MAP3K19: variants seen among roughly 807,000 people sequenced by gnomAD.
MAP3K19 encodes the protein mitogen-activated protein kinase kinase kinase 19.
MAP3K19 carries 91 observed loss-of-function variants against 114.4 expected under a neutral mutation model. The observed-to-expected ratio is 0.80, with a 90% CI of 0.67 to 0.95. The LOEUF is 0.95. MAP3K19 is among the 40% of genes least tolerant of loss of function. The probability of loss-of-function intolerance (pLI) is 0.00; values close to 1 mark genes in which losing one functional copy is unlikely to be tolerated. For missense variants in MAP3K19, 1,471 were observed against 1,573.2 expected (o/e 0.94, Z 1.10); for synonymous variants, 518 against 530.5 (o/e 0.98, Z 0.32).
At chr2:134,982,148 C>T (rs1684722790) in intron 11 of MAP3K19, among the ~76,000 whole-genome samples, 1 of 123,048 alleles carries the variant, frequency 8.1e-6, no homozygotes, top group East Asian at 2.3e-4. Context: ...GACAGAGTCT[C>T]TCTCTGTCAC....
At chr2:135,034,634 C>T (rs1353138384) in intron 2 of MAP3K19, among the ~76,000 whole-genome samples, 2 of 133,722 alleles carry the variant, frequency 1.5e-5, no homozygotes, top group South Asian at 5.5e-4. Flanking sequence ...AGCGAAACCC[C>T]GTCTCCACCA....
At chr2:134,993,361 G>T (rs1370998822) in intron 8 of MAP3K19, among the ~76,000 whole-genome samples, 1 of 152,214 alleles carries the variant, frequency 6.6e-6, no homozygotes, top group African/African-American at 2.4e-5. Context: ...GGCAACAGGA[G>T]GGGGCACAGG....
rs923492725 is a variant in MAP3K19, at chr2:134,988,219, C to T, written c.653G>A (p.Arg218Gln). The change falls in exon 10 of 13, where the codon CGA becomes CAA. Residue 218 changes from arginine to glutamine, a missense_variant. Coordinates refer to ENST00000392915, the MANE Select transcript of MAP3K19 (RefSeq NM_025052.5). ...TTGGGGGATAGTAAGGACACCAGAT[C>T]GCGTGGGCAAGAGTGACAGTGGTGG... The part of the protein sequence containing the change: ...LLPPLSLLPT[R>Q]SGVLTIPQNH... 1.3e-6 allele frequency: 2 copies of T among 1,594,572 alleles called. No homozygotes were observed. The highest frequency in any genetic ancestry group is 1.7e-6 in the Non-Finnish European group (2 of 1,172,274).
At chr2:134,984,168 T>A (rs757469514) in intron 10 of MAP3K19, among the ~76,000 whole-genome samples, 2 of 152,164 alleles carry the variant, frequency 1.3e-5, no homozygotes, top group Non-Finnish European at 2.9e-5. Context: ...CAGAATATGT[T>A]AGTGTGTGCC....
chr2:135,006,388 GC>G (rs1686812551), intron 5 of MAP3K19, among the ~76,000 whole-genome samples: 1 of 152,174 alleles, frequency 6.6e-6, no homozygotes, highest in South Asian at 2.1e-4. Flanking sequence ...AAGTGCTCAA[GC>G]CTGTCATCTG....
intron 2 of MAP3K19, among the ~76,000 whole-genome samples, chr2:135,038,122 C>T (rs1688571942): frequency 6.6e-6 from 1 of 151,914 alleles, no homozygotes; most frequent in South Asian, 2.1e-4. Flanking sequence ...TATGGGCTGG[C>T]AGAAGGCACT....
chr2:135,037,393 C>T (rs1688555807), intron 2 of MAP3K19, among the ~76,000 whole-genome samples: 1 of 152,320 alleles, frequency 6.6e-6, no homozygotes, highest in South Asian at 2.1e-4. Context: ...GACTGGCCTC[C>T]TCCTGCTGCT....
chr2:135,005,492 C>A lies in MAP3K19; in HGVS notation c.178G>T (p.Val60Phe). ...QDGDCSHSTLVNEEEDPSGGR... is the reference protein window; with the variant it reads ...QDGDCSHSTLFNEEEDPSGGR... The stretch of plus-strand genomic sequence containing the variant: ...CCACTGGGATCTTCTTCTTCATTAA[C>A]CAGTGTGGAATGACTGCAGTCACCA... The change falls in exon 6 of 13, where the codon GTT becomes TTT. Residue 60 changes from valine to phenylalanine, a missense_variant. Physicochemically the swap from Val to Phe is conservative, Grantham distance 50. Coordinates refer to ENST00000392915, the MANE Select transcript of MAP3K19 (RefSeq NM_025052.5). 6.2e-7 allele frequency: 1 copy of A among 1,614,118 alleles called. No individual in the cohort carries two copies. Among genetic ancestry groups the A allele is most frequent in the Non-Finnish European group, 8.5e-7 (1 of 1,179,982 alleles).
chr2:134,994,718 C>T (rs1250654915), intron 8 of MAP3K19, among the ~76,000 whole-genome samples: 3 of 152,228 alleles, frequency 2.0e-5, no homozygotes, highest in African/African-American at 7.2e-5. Context: ...ATCCCTCTAT[C>T]AATCGTCCAG....
At chr2:135,028,515 G>A (rs919152212) in intron 3 of MAP3K19, among the ~76,000 whole-genome samples, 1 of 148,420 alleles carries the variant, frequency 6.7e-6, no homozygotes, top group Non-Finnish European at 1.5e-5. Flanking sequence ...CTGTGATCAC[G>A]CCACTGCACT....
intron 1 of MAP3K19, among the ~76,000 whole-genome samples, chr2:135,045,236 C>T (rs1382951369): frequency 1.3e-5 from 2 of 152,278 alleles, no homozygotes; most frequent in South Asian, 2.1e-4. Context: ...GAGAAGCAGA[C>T]GTTTAGTTGA....
At chr2:135,000,075 G>A (rs577095347) in intron 6 of MAP3K19, 60 bp from the exon 7 acceptor site, 1 of 1,111,062 alleles carries the variant, frequency 9.0e-7, no homozygotes, top group East Asian at 2.4e-5. Context: ...CGGAAAGCGG[G>A]AGACGTACTT....
In MAP3K19 at chr2:134,964,747, A is replaced by G; in HGVS notation, c.*103T>C. Reference sequence around the variant, plus strand: ...ATAGGATCTGCTTAAACTGGGTTAGACTGAATTTTCAGTGGGGAAACAAAG... The same window carrying G: ...ATAGGATCTGCTTAAACTGGGTTAGGCTGAATTTTCAGTGGGGAAACAAAG... On this transcript the variant is annotated 3_prime_UTR_variant, in exon 13 of 13. Coordinates refer to ENST00000392915, the MANE Select transcript of MAP3K19 (RefSeq NM_025052.5). The G allele has an allele frequency of 1.1e-6, 1 of 922,794 alleles. No homozygotes were observed. Among genetic ancestry groups the G allele is most frequent in the Non-Finnish European group, 1.7e-6 (1 of 588,660 alleles). 57.2% of individuals were successfully genotyped at this position (922,794 alleles called of 1,614,324 possible).
At chr2:135,042,337 C>T (rs952483069) in intron 1 of MAP3K19, among the ~76,000 whole-genome samples, 3 of 151,848 alleles carry the variant, frequency 2.0e-5, no homozygotes, top group African/African-American at 7.3e-5. Context: ...CCCGTCGCTA[C>T]TAAAAGTACA....
chr2:134,991,190 A>T (rs1426447318), intron 9 of MAP3K19, among the ~76,000 whole-genome samples: 4 of 151,934 alleles, frequency 2.6e-5, no homozygotes, highest in African/African-American at 9.7e-5. Context: ...AGTCCCAGCT[A>T]CTCGGGAGGC....
At chr2:135,031,543 G>T (rs1038827168) in intron 2 of MAP3K19, among the ~76,000 whole-genome samples, 6 of 152,212 alleles carry the variant, frequency 3.9e-5, no homozygotes, top group African/African-American at 1.4e-4. Context: ...AGGAGTTAGG[G>T]CTGTGTCTTC....
rs764196330 is a variant in MAP3K19, at chr2:134,983,820, A to G, written c.3078T>C (p.His1026=). The change falls in exon 11 of 13, where the codon CAT becomes CAC. Residue 1026 remains histidine (H), a synonymous_variant. Transcript: ENST00000392915. The part of the protein sequence containing the change: ...RETTKVKIQR[H]SSGLRIYDRE... ...TGTCATATATCCTGAGCCCACTACTATGCCTCTGGAAGAATGAGACAAAAG... is the reference window on the plus strand; with the variant it reads ...TGTCATATATCCTGAGCCCACTACTGTGCCTCTGGAAGAATGAGACAAAAG... 2 of 1,566,918 alleles carry G rather than the reference A, an allele frequency of 1.3e-6. No individual in the cohort carries two copies. Among genetic ancestry groups the G allele is most frequent in the South Asian group, 2.4e-5 (2 of 83,632 alleles).
In MAP3K19 at chr2:134,987,942, G is replaced by T; in HGVS notation, c.930C>A (p.Ser310=). The part of the protein sequence containing the change: ...QCLEKEENWK[S]KEIEECNKIE... Reference sequence around the variant, plus strand: ...TTTTGTTACATTCTTCTATTTCCTTGGATTTCCAGTTTTCCTCCTTCTCCA... The same window carrying T: ...TTTTGTTACATTCTTCTATTTCCTTTGATTTCCAGTTTTCCTCCTTCTCCA... Residue 310 remains serine (S), a synonymous_variant, in exon 10 of 13, where the codon TCC becomes TCA. Coordinates refer to ENST00000392915, the MANE Select transcript of MAP3K19 (RefSeq NM_025052.5). The T allele has an allele frequency of 6.2e-7, 1 of 1,614,124 alleles. No individual in the cohort carries two copies. The highest frequency in any genetic ancestry group is 8.5e-7 in the Non-Finnish European group (1 of 1,180,012).
intron 3 of MAP3K19, among the ~76,000 whole-genome samples, chr2:135,026,660 T>C (rs1326255478): frequency 6.6e-6 from 1 of 152,228 alleles, no homozygotes; most frequent in Admixed American, 6.5e-5. Flanking sequence ...AAAAAGTGCA[T>C]TGTTTATCTC....
Sources: allele counts gnomAD v4.1 joint callset (sites outside exome capture counted in the v4.1 genomes callset), GRCh38; gene constraint gnomAD v4.1.1; transcripts MANE v1.5; gene names NCBI Gene and HGNC (gene_info 2026-07-23, HGNC 2026-07-21).